Variants in COL26A1 observed in about 807,000 individuals in gnomAD.
The protein encoded by COL26A1 is collagen type XXVI alpha 1 chain, also known as collagen alpha-1(XXVI) chain.
COL26A1 carries 41 observed loss-of-function variants against 59.3 expected under a neutral mutation model. That is an observed-to-expected ratio of 0.69 (90% CI 0.54 to 0.90). The LOEUF (loss-of-function observed/expected upper bound fraction) is 0.90, where lower values mean the gene tolerates loss of function less well. Ranked by LOEUF, COL26A1 falls within the 40% of genes least tolerant of loss-of-function variation. The pLI, the probability that COL26A1 is intolerant of heterozygous loss-of-function variation, is 0.00. For synonymous variants in COL26A1, 266 were observed against 256.0 expected (o/e 1.04, Z -0.37); for missense variants, 612 against 602.3 (o/e 1.02, Z -0.17).
At position 101,453,244 on chromosome 7, in the gene COL26A1, G is replaced by A. The variant is rs9770443; in HGVS notation, c.385+5457G>A. 5.9e-3 allele frequency among the ~76,000 whole-genome samples: 899 copies of A among 152,278 alleles called. 8 individuals carry two copies. The highest frequency in any genetic ancestry group is 9.3e-3 in the South Asian group (45 of 4,828). ...TAGCCGGGCGTGGTGGCACGTGCCC[G>A]TAGCCCCAGCTACTCAGGAGGCTGA... On this transcript the variant is annotated intron_variant, in intron 3 of 12. Transcript: ENST00000313669.
intron 7 of COL26A1, 50 bp from the exon 8 acceptor site, chr7:101,547,106 A>C: frequency 7.3e-7 from 1 of 1,363,930 alleles, no homozygotes; most frequent in East Asian, 2.5e-5. Flanking sequence ...GCCTCCCAGC[A>C]CTGCCAGGTC....
At chr7:101,545,640 G>A in intron 7 of COL26A1, 150 bp downstream of exon 7, 3 of 760,860 alleles carry the variant, frequency 3.9e-6, no homozygotes, top group Middle Eastern at 3.6e-4. Flanking sequence ...GCCTCCTCCA[G>A]GAAGCCCTCC....
rs1245561380 is a variant in COL26A1 at position 101,362,994 on chromosome 7, G to A, written c.-39G>A. On this transcript the variant is annotated 5_prime_UTR_variant, in exon 1 of 13. In the 5' UTR this introduces an upstream ATG that the reference lacks. Transcript: ENST00000313669. The stretch of plus-strand genomic sequence containing the variant: ...CGCCGGTGCGCTCCTGCCGGTCCTC[G>A]TGCCCGGGACTCCGGGTCCCCGCGG... 4 of 1,544,436 alleles carry A rather than the reference G, an allele frequency of 2.6e-6. No homozygotes were observed. The Admixed American group carries it at 5.6e-5, about 22-fold the overall frequency.
At chr7:101,545,209 G>T in intron 6 of COL26A1, 129 bp from the exon 7 acceptor site, 1 of 752,182 alleles carries the variant, frequency 1.3e-6, no homozygotes, top group Non-Finnish European at 2.1e-6. Context: ...TGGATCGGAG[G>T]TCACCACTGA....
chr7:101,489,654 TTTCTTTCTTCCTTCCTTCCTTCCTTC>T (rs1794349671), intron 3 of COL26A1, among the ~76,000 whole-genome samples: 1 of 76,554 alleles, frequency 1.3e-5, no homozygotes, highest in Non-Finnish European at 2.3e-5. Context: ...TCTTTCTTTC[TTTCTTTCTTCCTTCCTTCCTTCCTTC>T]CTTTCTTTCT....
At chr7:101,442,997 G>A (rs1044633371) in intron 2 of COL26A1, among the ~76,000 whole-genome samples, 3 of 152,158 alleles carry the variant, frequency 2.0e-5, no homozygotes, top group African/African-American at 7.2e-5. Context: ...TTGTGCAAGC[G>A]TGTGAAGGTG....
intron 1 of COL26A1, among the ~76,000 whole-genome samples, chr7:101,399,701 C>A (rs1355523503): frequency 6.6e-6 from 1 of 152,172 alleles, no homozygotes; most frequent in African/African-American, 2.4e-5. Context: ...TCAGCTGATC[C>A]TCCTGCCTCA....
chr7:101,528,216 A>C (rs577983833), intron 3 of COL26A1, among the ~76,000 whole-genome samples: 2 of 152,264 alleles, frequency 1.3e-5, no homozygotes, highest in South Asian at 4.1e-4. Context: ...AACTGGGCCC[A>C]GGCCCAGCAT....
chr7:101,546,337 G>A (rs1208298110), intron 7 of COL26A1, among the ~76,000 whole-genome samples: 1 of 151,960 alleles, frequency 6.6e-6, no homozygotes, highest in Admixed American at 6.6e-5. Flanking sequence ...TGGGCTCAAG[G>A]GATCCTCCCA....
intron 3 of COL26A1, among the ~76,000 whole-genome samples, chr7:101,509,083 G>A (rs1023951844): frequency 2.6e-5 from 4 of 152,284 alleles, no homozygotes; most frequent in South Asian, 2.1e-4. Context: ...AAGGTGAAGG[G>A]GGAGCTGATG....
intron 3 of COL26A1, among the ~76,000 whole-genome samples, chr7:101,511,350 A>T (rs1447987177): frequency 6.6e-6 from 1 of 152,152 alleles, no homozygotes; most frequent in Non-Finnish European, 1.5e-5. Flanking sequence ...AACCCGCTGG[A>T]CTCGGTTTCA....
intron 3 of COL26A1, among the ~76,000 whole-genome samples, chr7:101,499,568 C>G (rs1281821269): frequency 1.3e-5 from 2 of 152,030 alleles, no homozygotes; most frequent in African/African-American, 4.8e-5. Context: ...CCTGTAATAC[C>G]AGCTATTCTG....
At chr7:101,471,254 T>G (rs1417847001) in intron 3 of COL26A1, among the ~76,000 whole-genome samples, 1 of 152,198 alleles carries the variant, frequency 6.6e-6, no homozygotes, top group Non-Finnish European at 1.5e-5. Flanking sequence ...ACTTGCCTTG[T>G]GCACATGGCT....
chr7:101,364,795 T>C (rs1791002279), intron 1 of COL26A1, among the ~76,000 whole-genome samples: 1 of 152,034 alleles, frequency 6.6e-6, no homozygotes, highest in South Asian at 2.1e-4. Flanking sequence ...GTCTCAAACT[T>C]CTGGCCTCAA....
chr7:101,419,764 C>T (rs748347389), intron 1 of COL26A1, among the ~76,000 whole-genome samples: 26 of 152,156 alleles, frequency 1.7e-4, no homozygotes, highest in African/African-American at 2.9e-4. Context: ...TGGTCAGTGA[C>T]GGGAATGATG....
intron 1 of COL26A1, among the ~76,000 whole-genome samples, chr7:101,372,961 C>T (rs905077644): frequency 7.2e-5 from 11 of 152,198 alleles, no homozygotes; most frequent in African/African-American, 2.7e-4. Context: ...TGCCACTGCA[C>T]TCCAATCAGG....
intron 1 of COL26A1, among the ~76,000 whole-genome samples, chr7:101,417,545 G>A (rs1000855222): frequency 1.4e-5 from 2 of 146,046 alleles, no homozygotes; most frequent in African/African-American, 5.2e-5. Flanking sequence ...CTGTCACCCA[G>A]GCCAAAGTGC....
At chr7:101,405,228 TAAA>T (rs972796161) in intron 1 of COL26A1, among the ~76,000 whole-genome samples, 1 of 144,224 alleles carries the variant, frequency 6.9e-6, no homozygotes, top group African/African-American at 2.5e-5. Context: ...ACTCCGTCTC[TAAA>T]AAAAAAAAAA....
intron 1 of COL26A1, among the ~76,000 whole-genome samples, chr7:101,405,630 G>C (rs545921565): frequency 3.9e-5 from 6 of 152,004 alleles, no homozygotes; most frequent in Admixed American, 1.3e-4. Context: ...CTTTTCTCAC[G>C]TGGTCCTCCC....
Sources: allele counts gnomAD v4.1 joint callset (sites outside exome capture counted in the v4.1 genomes callset), GRCh38; gene constraint gnomAD v4.1.1; transcripts MANE v1.5; gene names NCBI Gene and HGNC (gene_info 2026-07-23, HGNC 2026-07-21).